ARID1A: variants seen among roughly 807,000 people sequenced by gnomAD.
The protein encoded by ARID1A is AT-rich interactive domain-containing protein 1A.
ARID1A carries 20 observed loss-of-function variants against 212.6 expected under a neutral mutation model. The ratio of observed to expected loss-of-function variants is 0.09; its 90% confidence interval spans 0.07 to 0.14. The LOEUF is 0.14. ARID1A is among the 10% of genes least tolerant of loss of function. ARID1A has a pLI of 1.00. For synonymous variants in ARID1A, 1,376 were observed against 1,222.1 expected (o/e 1.13, Z -2.63); for missense variants, 2,587 against 3,059.0 (o/e 0.85, Z 3.64).
chr1:26,706,877 A>T (rs1168050858), intron 1 of ARID1A, among the ~76,000 whole-genome samples: 2 of 152,188 alleles, frequency 1.3e-5, no homozygotes, highest in African/African-American at 4.8e-5. Context: ...TTGGTAATTT[A>T]GGTTTGGATA....
chr1:26,733,896 T>G (rs1393149133), intron 4 of ARID1A, among the ~76,000 whole-genome samples: 1 of 152,212 alleles, frequency 6.6e-6, no homozygotes, highest in Non-Finnish European at 1.5e-5. Context: ...AGGCGGGAAC[T>G]CTCTTCATCA....
At chr1:26,748,608 CTTTTTTTTTT>C (rs36087588) in intron 4 of ARID1A, among the ~76,000 whole-genome samples, 8 of 117,730 alleles carry the variant, frequency 6.8e-5, no homozygotes, top group East Asian at 2.4e-4. Flanking sequence ...GACCCAGATT[CTTTTTTTTTT>C]TTTTTTTTTT....
intron 4 of ARID1A, among the ~76,000 whole-genome samples, chr1:26,745,897 C>G (rs1003777472): frequency 6.6e-6 from 1 of 152,046 alleles, no homozygotes; most frequent in East Asian, 1.9e-4. Context: ...ACTAAAAATA[C>G]AAAATTAGCC....
At chr1:26,767,697 C>G (rs1004139180) in intron 10 of ARID1A, 93 bp from the exon 11 acceptor site, 5 of 1,284,842 alleles carry the variant, frequency 3.9e-6, no homozygotes, top group African/African-American at 1.5e-5. Flanking sequence ...GAGTAAGAAG[C>G]TTTAACACTG....
intron 4 of ARID1A, among the ~76,000 whole-genome samples, chr1:26,741,716 T>G (rs549463804): frequency 6.6e-6 from 1 of 152,168 alleles, no homozygotes; most frequent in Non-Finnish European, 1.5e-5. Context: ...GTTATCGATA[T>G]CAGGAGGGAG....
intron 19 of ARID1A, among the ~76,000 whole-genome samples, chr1:26,777,671 G>T (rs1171581354): frequency 1.3e-5 from 2 of 152,144 alleles, no homozygotes; most frequent in Admixed American, 1.3e-4. Flanking sequence ...AGTGGCTCAC[G>T]CCTGTAATCC....
chr1:26,781,070 A>C lies in ARID1A; in HGVS notation c.*314A>C. 1 of 311,300 alleles carries C rather than the reference A, an allele frequency of 3.2e-6. No individual in the cohort carries two copies. The highest frequency in any genetic ancestry group is 4.9e-5 in the Admixed American group (1 of 20,252). 19.3% of individuals were successfully genotyped at this position (311,300 alleles called of 1,614,324 possible). A position where few individuals can be genotyped will look rare whatever the true frequency, so the allele number is the denominator to read the frequency against. ...TTTAACCAAAGTTACTGTTGTTTAC[A>C]GTGAGTTTGGGGAAAAAAAATAAAA... is the stretch of plus-strand genomic sequence containing the variant. On this transcript the variant is annotated 3_prime_UTR_variant, in exon 20 of 20. Coordinates refer to ENST00000324856, the MANE Select transcript of ARID1A (RefSeq NM_006015.6).
chr1:26,698,596 T>C (rs2080302288), intron 1 of ARID1A, among the ~76,000 whole-genome samples: 1 of 152,234 alleles, frequency 6.6e-6, no homozygotes, highest in African/African-American at 2.4e-5. Flanking sequence ...TTATGTTTTA[T>C]GCAGCCTGAA....
rs756017930 is a variant in ARID1A at position 26,731,235 on chromosome 1, T to TCAG, written c.1445_1447dup (p.Gln482dup). 2.5e-6 allele frequency: 4 copies of TCAG among 1,613,744 alleles called. No individual in the cohort carries two copies. Among genetic ancestry groups the TCAG allele is most frequent in the East Asian group, 2.2e-5 (1 of 44,864 alleles). ...ATTACAACCAGCAAAGTCCTCACCCTCAGCAGCAGCAGCCACCCTACTCCC... is the reference window on the plus strand; with the variant it reads ...ATTACAACCAGCAAAGTCCTCACCCTCAGCAGCAGCAGCAGCCACCCTACTCCC... On this transcript the variant is annotated inframe_insertion, in exon 3 of 20. Coordinates refer to ENST00000324856, the MANE Select transcript of ARID1A (RefSeq NM_006015.6).
chr1:26,709,321 T>C (rs2080426614), intron 1 of ARID1A, among the ~76,000 whole-genome samples: 1 of 151,704 alleles, frequency 6.6e-6, no homozygotes. Flanking sequence ...TCCAGGAGAG[T>C]TGATACCACT....
intron 11 of ARID1A, chr1:26,770,683 G>A (rs1376090108): frequency 4.8e-5 from 8 of 165,344 alleles, no homozygotes; most frequent in East Asian, 3.7e-4. Flanking sequence ...GCTTGAGCCC[G>A]GGAGGCAGAG....
At chr1:26,778,925 A>G in intron 19 of ARID1A, 98 bp from the exon 20 acceptor site, 1 of 1,246,248 alleles carries the variant, frequency 8.0e-7, no homozygotes, top group Non-Finnish European at 1.1e-6. Flanking sequence ...TGCCTCTCCC[A>G]ACTGATACAG....
intron 1 of ARID1A, among the ~76,000 whole-genome samples, chr1:26,704,872 A>AG (rs1351270350): frequency 6.6e-6 from 1 of 152,080 alleles, no homozygotes; most frequent in Non-Finnish European, 1.5e-5. Context: ...AAAAAAAAAA[A>AG]AAATTTGTTT....
At chr1:26,727,028 G>C (rs2080625881) in intron 1 of ARID1A, among the ~76,000 whole-genome samples, 1 of 152,220 alleles carries the variant, frequency 6.6e-6, no homozygotes, top group Admixed American at 6.5e-5. Context: ...ATCTTGGAGT[G>C]AGACTGAAAA....
chr1:26,749,401 A>G (rs1022777884), intron 4 of ARID1A, among the ~76,000 whole-genome samples: 7 of 152,014 alleles, frequency 4.6e-5, no homozygotes, highest in African/African-American at 1.7e-4. Context: ...GGGGAGCGAC[A>G]GGGGAAATGT....
intron 1 of ARID1A, among the ~76,000 whole-genome samples, chr1:26,725,610 T>G (rs1487398102): frequency 6.6e-6 from 1 of 152,212 alleles, no homozygotes; most frequent in East Asian, 1.9e-4. Context: ...GAAAGCATAT[T>G]AATTTTATTT....
At chr1:26,776,279 C>CTT (rs748452521) in intron 19 of ARID1A, among the ~76,000 whole-genome samples, 16 of 136,232 alleles carry the variant, frequency 1.2e-4, no homozygotes, top group Non-Finnish European at 1.6e-4. Flanking sequence ...TAACAATATT[C>CTT]TTTTTTTTTT....
intron 1 of ARID1A, among the ~76,000 whole-genome samples, chr1:26,711,620 C>T (rs1053067519): frequency 7.9e-5 from 12 of 152,136 alleles, no homozygotes; most frequent in Non-Finnish European, 1.5e-4. Flanking sequence ...TGAGATGGAC[C>T]TTTACTAGTG....
rs2081179125 is a variant in ARID1A, at chr1:26,780,313, C to G, written c.6415C>G (p.Pro2139Ala). 6.2e-7 allele frequency: 1 copy of G among 1,614,104 alleles called. No individual in the cohort carries two copies. Among genetic ancestry groups the G allele is most frequent in the Non-Finnish European group, 8.5e-7 (1 of 1,180,042 alleles). Residue 2139 changes from proline (P) to alanine (A), a missense_variant, in exon 20 of 20, where the codon CCC becomes GCC. Pro to Ala is a conservative substitution (Grantham distance 27, BLOSUM62 -1). Around this residue, in one of 11 missense-constraint regions of ARID1A, gnomAD observed 168 missense variants for 321.0 expected, o/e 0.52. Transcript: ENST00000324856. This position sits in a 1 kb window ranked among gnomAD's most constrained non-coding sequence, Gnocchi z 7.2. ...DNNVDLILATPPFSRLEKLYS... is the reference protein window; with the variant it reads ...DNNVDLILATAPFSRLEKLYS... ...CAATGTGGACCTGATTCTGGCCACA[C>G]CCCCCTTCAGCCGCCTGGAGAAGTT... is the stretch of plus-strand genomic sequence containing the variant.
Sources: allele counts gnomAD v4.1 joint callset (sites outside exome capture counted in the v4.1 genomes callset), GRCh38; gene constraint gnomAD v4.1.1; regional missense constraint gnomAD v4.1.1; non-coding constraint Gnocchi (gnomAD v3.1); transcripts MANE v1.5; gene names NCBI Gene and HGNC (gene_info 2026-07-23, HGNC 2026-07-21).